LYRM4: variants seen among roughly 807,000 people sequenced by gnomAD.
LYRM4 encodes the protein LYR motif containing 4, also known as LYR motif-containing protein 4.
LYRM4 carries 9 observed loss-of-function variants against 11.7 expected under a neutral mutation model. The ratio of observed to expected loss-of-function variants is 0.77; its 90% CI spans 0.46 to 1.34. The LOEUF (loss-of-function observed/expected upper bound fraction) is 1.34. LYRM4 is among the 40% of genes most tolerant of loss of function. The probability of loss-of-function intolerance (pLI) is 0.00; values close to 1 mark genes in which losing one functional copy is unlikely to be tolerated. For synonymous variants in LYRM4, 42 were observed against 40.4 expected, an observed-to-expected ratio of 1.04 and a Z score of -0.15; for missense variants, 133 against 112.5, an observed-to-expected ratio of 1.18 and a Z score of -0.82.
At chr6:5,152,248 CTG>C (rs1318627489) in intron 2 of LYRM4, among the ~76,000 whole-genome samples, 7 of 152,232 alleles carry the variant, frequency 4.6e-5, no homozygotes, top group Admixed American at 2.6e-4. Context: ...AGACTCAGCT[CTG>C]TGTTTCTCCT....
intron 2 of LYRM4, among the ~76,000 whole-genome samples, chr6:5,159,512 G>A (rs1033343324): frequency 1.3e-5 from 2 of 152,212 alleles, no homozygotes; most frequent in Non-Finnish European, 2.9e-5. Flanking sequence ...GGCCACTGGT[G>A]ACCCTGCTGA....
At chr6:5,044,802 A>G in the LYRM4 span, among the ~76,000 whole-genome samples, 1 of 152,354 alleles carries the variant, frequency 6.6e-6, no homozygotes, top group Non-Finnish European at 1.5e-5. Context: ...CCCAATCTGA[A>G]TGCAAATCCA....
At position 5,109,430 on chromosome 6, in the gene LYRM4, C is replaced by G; in HGVS notation, c.269G>C (p.Arg90Thr). The G allele has an allele frequency of 6.2e-7, 1 of 1,614,136 alleles. No individual in the cohort carries two copies. The highest frequency in any genetic ancestry group is 1.1e-5 in the South Asian group (1 of 91,084). Residue 90 changes from arginine (R) to threonine (T), a missense_variant, in exon 3 of 3, where the codon AGG (arginine) becomes ACG (threonine). Physicochemically the swap from Arg to Thr is moderately conservative, Grantham distance 71 (BLOSUM62 -1). Transcript: ENST00000330636. Reference protein sequence around the residue: ...KLIIENRDMPRT With the variant: ...KLIIENRDMPTT ...TGGCTGGTCCCCGGCTTGCTAGGTC[C>G]TGGGCATGTCTCGATTCTCAATGAT...
chr6:5,068,748 C>T, the LYRM4 span, among the ~76,000 whole-genome samples: 4 of 151,874 alleles, frequency 2.6e-5, no homozygotes, highest in East Asian at 1.9e-4. This position sits in a 1 kb window ranked among gnomAD's most constrained non-coding sequence, Gnocchi z 4.0. Context: ...CAAACCTGCA[C>T]GTTGTGCACA....
At position 5,233,240 on chromosome 6, in the gene LYRM4, G is replaced by A. The variant is rs562154444; in HGVS notation, c.87-16502C>T. Among the ~76,000 whole-genome samples the A allele has an allele frequency of 2.0e-5, 3 of 152,348 alleles. No homozygotes were observed. In the South Asian group the frequency reaches 6.2e-4, roughly 32 times the overall value. On this transcript the variant is annotated intron_variant, in intron 1 of 2. Coordinates refer to ENST00000330636, the MANE Select transcript of LYRM4 (RefSeq NM_020408.6). ...CAAATTTGGGGAGGGCCTTCTGATT[G>A]CCTACTTGCGCTTCTGCAAGCCGAA...
At chr6:5,228,480 G>A (rs1483891843) in intron 1 of LYRM4, among the ~76,000 whole-genome samples, 3 of 152,010 alleles carry the variant, frequency 2.0e-5, no homozygotes, top group African/African-American at 7.2e-5. Context: ...GTTTCACCAT[G>A]TTGGCCAGGC....
At chr6:5,044,227 C>T in the LYRM4 span, among the ~76,000 whole-genome samples, 1 of 152,102 alleles carries the variant, frequency 6.6e-6, no homozygotes, top group Non-Finnish European at 1.5e-5. Context: ...CTCCTGGGTT[C>T]ACCTGTGATT....
rs1389060486 is a variant in LYRM4 at position 5,166,804 on chromosome 6, G to A, written c.207+49814C>T. Among the ~76,000 whole-genome samples, 3 of 152,216 alleles carry A rather than the reference G, an allele frequency of 2.0e-5. No individual in the cohort carries two copies. The East Asian group carries it at 5.8e-4, about 29-fold the overall frequency. On this transcript the variant is annotated intron_variant, in intron 2 of 2. Transcript: ENST00000330636. ...TGGGACCATTTGTATGTGAATGAAT[G>A]AAAGTTGAATTATTCAGAGTGTTTG... is the stretch of plus-strand genomic sequence containing the variant.
the LYRM4 span, among the ~76,000 whole-genome samples, chr6:5,038,721 C>CA: frequency 3.6e-4 from 20 of 56,268 alleles, 7 homozygotes; most frequent in African/African-American, 6.8e-4. Context: ...CCGTCTCCAC[C>CA]AAAAAAAAAC....
intron 2 of LYRM4, among the ~76,000 whole-genome samples, chr6:5,178,400 G>A (rs543890035): frequency 3.0e-4 from 46 of 150,980 alleles, no homozygotes; most frequent in Admixed American, 1.3e-3. Flanking sequence ...CTGGATGTAG[G>A]AATTCTCACA....
At chr6:5,080,859 C>A in the LYRM4 span, among the ~76,000 whole-genome samples, 2 of 152,142 alleles carry the variant, frequency 1.3e-5, no homozygotes, top group African/African-American at 4.8e-5. Context: ...GCCCAGACTC[C>A]AGACCTGGTG....
intron 2 of LYRM4, chr6:5,144,225 C>T: frequency 6.5e-7 from 1 of 1,537,060 alleles, no homozygotes; most frequent in Non-Finnish European, 8.7e-7. Flanking sequence ...GCTGCTGTTC[C>T]CCGACTTCCT....
chr6:5,205,296 T>C (rs1761631398), intron 2 of LYRM4, among the ~76,000 whole-genome samples: 1 of 151,980 alleles, frequency 6.6e-6, no homozygotes, highest in Non-Finnish European at 1.5e-5. Flanking sequence ...GCACTGGGTG[T>C]GCTGTGTGCC....
chr6:5,103,050 TG>T (rs1005007498), downstream of LYRM4: 1 of 152,206 alleles, frequency 6.6e-6, no homozygotes, highest in African/African-American at 2.4e-5. Context: ...CATGGTTCCC[TG>T]TGGCACTAAT....
At chr6:5,144,417 C>A (rs1757582865) in intron 2 of LYRM4, among the ~76,000 whole-genome samples, 1 of 151,876 alleles carries the variant, frequency 6.6e-6, no homozygotes, top group African/African-American at 2.4e-5. Context: ...GCGGGCAGAT[C>A]ACAAGCTCAG....
chr6:5,053,151 G>A, the LYRM4 span, among the ~76,000 whole-genome samples: 2 of 152,156 alleles, frequency 1.3e-5, no homozygotes, highest in African/African-American at 4.8e-5. Context: ...AGTGGGGATG[G>A]GGGATTTTTT....
At chr6:5,057,363 T>A in the LYRM4 span, among the ~76,000 whole-genome samples, 1 of 152,058 alleles carries the variant, frequency 6.6e-6, no homozygotes, top group South Asian at 2.1e-4. Flanking sequence ...TTCCCTCAAC[T>A]TTGGGACAAA....
chr6:5,162,446 T>C (rs1050907031), intron 2 of LYRM4, among the ~76,000 whole-genome samples: 1 of 151,436 alleles, frequency 6.6e-6, no homozygotes, highest in Non-Finnish European at 1.5e-5. Flanking sequence ...GATGTGGCCC[T>C]GGGTCAGGGA....
At chr6:5,213,622 T>C (rs552046356) in intron 2 of LYRM4, among the ~76,000 whole-genome samples, 1 of 152,154 alleles carries the variant, frequency 6.6e-6, no homozygotes, top group Non-Finnish European at 1.5e-5. Flanking sequence ...AGGGTTAATA[T>C]GTCACGATCC....
Sources: gnomAD v4.1 joint callset for allele counts (sites outside exome capture counted in the v4.1 genomes callset) on GRCh38, gnomAD v4.1.1 for gene constraint, Gnocchi (gnomAD v3.1) non-coding constraint, MANE v1.5 for transcripts, NCBI Gene and HGNC (gene_info 2026-07-23, HGNC 2026-07-21) for gene names.